Variants in ANK3 observed in about 807,000 individuals in gnomAD.
The protein encoded by ANK3 is ankyrin 3.
A neutral mutation model predicts 370.9 loss-of-function variants in ANK3; 57 were observed. The observed-to-expected ratio is 0.15, with a 90% CI of 0.12 to 0.19. The LOEUF is 0.19. Among genes scored for constraint, ANK3 ranks in the 10% least tolerant of loss-of-function variants. The pLI, the probability that ANK3 is intolerant of heterozygous loss-of-function variation, is 1.00. For synonymous variants in ANK3, 1,929 were observed against 1,946.3 expected, an observed-to-expected ratio of 0.99 and a Z score of 0.23; for missense variants, 4,439 against 5,302.1, an observed-to-expected ratio of 0.84 and a Z score of 5.06.
chr10:60,684,134 A>C (rs2133394302), intron 1 of ANK3, among the ~76,000 whole-genome samples: 1 of 152,362 alleles, frequency 6.6e-6, no homozygotes, highest in Non-Finnish European at 1.5e-5. Flanking sequence ...ATTAACATTA[A>C]ATAAAGAAAA....
chr10:60,059,570 C>T (rs2079928916), intron 40 of ANK3, 140 bp from the exon 41 acceptor site: 1 of 1,237,198 alleles, frequency 8.1e-7, no homozygotes, highest in Admixed American at 1.8e-5. Context: ...TCTCTTCCAT[C>T]ATCTCCTCAT....
intron 42 of ANK3, among the ~76,000 whole-genome samples, chr10:60,055,363 C>T (rs953133218): frequency 6.6e-6 from 1 of 152,146 alleles, no homozygotes. Flanking sequence ...AGTTACTTAA[C>T]GTCTCTCTGG....
intron 1 of ANK3, among the ~76,000 whole-genome samples, chr10:60,706,408 C>G (rs2079617951): frequency 1.3e-5 from 2 of 152,108 alleles, no homozygotes; most frequent in Admixed American, 1.3e-4. Flanking sequence ...AAGATAACCT[C>G]CCCTCTGACC....
At chr10:60,677,634 T>C (rs927742504) in intron 1 of ANK3, among the ~76,000 whole-genome samples, 25 of 151,986 alleles carry the variant, frequency 1.6e-4, no homozygotes, top group Non-Finnish European at 3.2e-4. Flanking sequence ...CAGATGGTTA[T>C]GGAAGATTTA....
chr10:60,663,626 TA>T (rs2078962872), intron 1 of ANK3, among the ~76,000 whole-genome samples: 1 of 152,342 alleles, frequency 6.6e-6, no homozygotes, highest in South Asian at 2.1e-4. Flanking sequence ...ATACGTCTGA[TA>T]ATAGCATTTC....
intron 43 of ANK3, among the ~76,000 whole-genome samples, chr10:60,040,978 C>CAGT (rs1175760913): frequency 6.6e-6 from 1 of 152,214 alleles, no homozygotes; most frequent in Non-Finnish European, 1.5e-5. Flanking sequence ...CCAGGTTCAG[C>CAGT]AGTAGGACAT....
At chr10:60,434,405 A>G (rs2064106982) in intron 2 of ANK3, among the ~76,000 whole-genome samples, 1 of 152,256 alleles carries the variant, frequency 6.6e-6, no homozygotes, top group African/African-American at 2.4e-5. Context: ...AATAGAGTAC[A>G]TGAAGTCACT....
intron 2 of ANK3, among the ~76,000 whole-genome samples, chr10:60,583,907 T>G (rs188182730): frequency 1.3e-3 from 192 of 152,262 alleles, no homozygotes; most frequent in Admixed American, 4.6e-3. Flanking sequence ...TTAAATGTTC[T>G]TATCATAAAG....
intron 2 of ANK3, among the ~76,000 whole-genome samples, chr10:60,397,748 A>G (rs1459427953): frequency 6.6e-6 from 1 of 152,220 alleles, no homozygotes; most frequent in Non-Finnish European, 1.5e-5. Context: ...TTGCCCTTCC[A>G]TTAGATCATG....
intron 2 of ANK3, among the ~76,000 whole-genome samples, chr10:60,486,743 A>C (rs995524850): frequency 1.3e-5 from 2 of 152,214 alleles, no homozygotes; most frequent in African/African-American, 4.8e-5. Flanking sequence ...CTAAGAAATA[A>C]AAGTTTAACA....
At chr10:60,400,604 AGCAGGT>A (rs1567009664) in intron 2 of ANK3, among the ~76,000 whole-genome samples, 1 of 152,214 alleles carries the variant, frequency 6.6e-6, no homozygotes, top group African/African-American at 2.4e-5. Flanking sequence ...TATTTATAAA[AGCAGGT>A]GCAGTCTGCA....
chr10:60,629,702 CA>C (rs2078456690), intron 1 of ANK3, among the ~76,000 whole-genome samples: 1 of 151,474 alleles, frequency 6.6e-6, no homozygotes, highest in Non-Finnish European at 1.5e-5. Context: ...TGTTCAAAGG[CA>C]ATATTAGCTA....
intron 1 of ANK3, among the ~76,000 whole-genome samples, chr10:60,319,737 A>G (rs1566549988): frequency 6.6e-6 from 1 of 152,162 alleles, no homozygotes; most frequent in East Asian, 1.9e-4. Flanking sequence ...TTCTTTCTCT[A>G]CTTGGCCACA....
intron 26 of ANK3, among the ~76,000 whole-genome samples, chr10:60,110,494 A>G (rs902133188): frequency 1.3e-5 from 2 of 152,204 alleles, no homozygotes; most frequent in African/African-American, 4.8e-5. Flanking sequence ...TCAAGGTAAA[A>G]GGGGAAAACA....
intron 2 of ANK3, among the ~76,000 whole-genome samples, chr10:60,496,537 G>T (rs1017594927): frequency 2.6e-5 from 4 of 151,150 alleles, no homozygotes; most frequent in African/African-American, 9.7e-5. Flanking sequence ...CGTCTCTGGG[G>T]GAATTTAATC....
chr10:60,265,748 T>C (rs76006246), intron 5 of ANK3, among the ~76,000 whole-genome samples: 6,682 of 152,234 alleles, frequency 0.044, 531 homozygotes, highest in African/African-American at 0.15. Flanking sequence ...TGCTAGCATA[T>C]GGAGAAAGGC....
Position 60,064,187 on chromosome 10 carries a change from AT to A in ANK3, c.12420del (p.Lys4140AsnfsTer15), listed in dbSNP as rs1466658148. 6 of 1,572,248 alleles carry A rather than the reference AT, an allele frequency of 3.8e-6. No individual in the cohort carries two copies. The highest frequency in any genetic ancestry group is 4.3e-5 in the Admixed American group (2 of 46,974). On this transcript the variant is annotated frameshift_variant, in exon 39 of 44. Coordinates refer to ENST00000280772, the MANE Select transcript of ANK3 (RefSeq NM_020987.5). LOFTEE classifies it high-confidence loss of function. Reference protein sequence around the residue: ...LISQSFMLLKKWVTRDGKNAT... With the variant: ...LISQSFMLLKXWVTRDGKNAT... ...GCATTTTTTCCGTCTCTGGTAACCC[AT>A]TTTTTTAATAACATGAAGCTCTGAG...
chr10:60,643,357 C>T (rs2078661625), intron 1 of ANK3, among the ~76,000 whole-genome samples: 1 of 152,120 alleles, frequency 6.6e-6, no homozygotes, highest in African/African-American at 2.4e-5. Context: ...ACATCTTTCT[C>T]CTGTACTGGA....
chr10:60,432,449 T>C (rs538783485), intron 2 of ANK3, among the ~76,000 whole-genome samples: 1 of 152,282 alleles, frequency 6.6e-6, no homozygotes, highest in South Asian at 2.1e-4. Context: ...ACTTCCTAGT[T>C]CCTCCCTTGA....
Sources: allele counts gnomAD v4.1 joint callset (sites outside exome capture counted in the v4.1 genomes callset), GRCh38; gene constraint gnomAD v4.1.1; transcripts MANE v1.5; gene names NCBI Gene and HGNC (gene_info 2026-07-23, HGNC 2026-07-21).